LSM14A: variants seen among roughly 807,000 people sequenced by gnomAD.
LSM14A encodes protein LSM14 homolog A.
Under a neutral mutation model 52.4 loss-of-function variants are expected in LSM14A, and 14 were observed. The ratio of observed to expected loss-of-function variants is 0.27; its 90% CI spans 0.18 to 0.42. LSM14A has a LOEUF of 0.42. Ranked by LOEUF, LSM14A falls within the 10% of genes least tolerant of loss-of-function variation. The probability of loss-of-function intolerance (pLI) is 1.00; values close to 1 mark genes in which losing one functional copy is unlikely to be tolerated. For synonymous variants in LSM14A, 185 were observed against 200.3 expected (o/e 0.92, Z 0.64); for missense variants, 417 against 581.8 (o/e 0.72, Z 2.91).
Position 34,194,504 on chromosome 19 carries a change from C to T in LSM14A, c.148C>T (p.Pro50Ser). Residue 50 changes from proline (P) to serine (S), a missense_variant, in exon 2 of 10, where the codon CCG becomes TCG. Physicochemically the swap from Pro to Ser is moderately conservative, Grantham distance 74 (BLOSUM62 -1). This residue lies in a region of LSM14A where 60 missense variants were observed against 124.8 expected (regional missense o/e 0.48). Coordinates refer to ENST00000544216, the MANE Select transcript of LSM14A (RefSeq NM_015578.4). ...KVRSFGTEDR[P>S]TDRPIPPRDE... The stretch of plus-strand genomic sequence containing the variant: ...TCGATCCTTTGGTACAGAAGACAGA[C>T]CGACAGATCGTCCAATACCACCTCG... 1 of 1,614,108 alleles carries T rather than the reference C, an allele frequency of 6.2e-7. No individual in the cohort carries two copies. Among genetic ancestry groups the T allele is most frequent in the Non-Finnish European group, 8.5e-7 (1 of 1,179,980 alleles).
At chr19:34,203,282 G>T (rs902852071) in intron 3 of LSM14A, among the ~76,000 whole-genome samples, 1 of 152,154 alleles carries the variant, frequency 6.6e-6, no homozygotes, top group Non-Finnish European at 1.5e-5. Context: ...ATAATCTTAT[G>T]TGCCAGATGG....
chr19:34,206,060 A>C lies in LSM14A; in HGVS notation c.416-2869A>C, dbSNP rs568926586. On this transcript the variant is annotated intron_variant, in intron 3 of 9. Transcript: ENST00000544216. The stretch of plus-strand genomic sequence containing the variant: ...ATTTCTTGAAAAATAGCAAACCAAC[A>C]CAAGAGGAAATAAAATCTCAATATC... Among the ~76,000 whole-genome samples, 5 of 152,342 alleles carry C rather than the reference A, an allele frequency of 3.3e-5. No individual in the cohort carries two copies. In the South Asian group the frequency reaches 1.0e-3, roughly 32 times the overall value.
In LSM14A at chr19:34,228,855, CTT is replaced by C. The variant is rs1413411777; in HGVS notation, c.*1470_*1471del. The C allele has an allele frequency of 6.6e-6, 1 of 152,528 alleles. No homozygotes were observed. Among genetic ancestry groups the C allele is most frequent in the Non-Finnish European group, 1.5e-5 (1 of 68,012 alleles). 9.4% of individuals were successfully genotyped at this position (152,528 alleles called of 1,614,324 possible). ...GACATTTTTTATTTTCATTTTATAT[CTT>C]TTGTATAGCTCTACAAGGCAGTGTT... On this transcript the variant is annotated 3_prime_UTR_variant, in exon 10 of 10. Transcript: ENST00000544216.
Position 34,172,965 on chromosome 19 carries a change from C to T in LSM14A, c.121+202C>T, listed in dbSNP as rs542707267. Among the ~76,000 whole-genome samples, 19 of 152,338 alleles carry T rather than the reference C, an allele frequency of 1.2e-4. No individual in the cohort carries two copies. The East Asian group carries it at 1.4e-3, about 11-fold the overall frequency. ...CCCTGGTTTCCGCCCCCCGGAATGT[C>T]CGCGCCTGAAGCCCGGGGAACTACG... On this transcript the variant is annotated intron_variant, in intron 1 of 9. Transcript: ENST00000544216.
At position 34,215,226 on chromosome 19, in the gene LSM14A, G is replaced by A. The variant is rs1465569587; in HGVS notation, c.641G>A (p.Arg214Lys). The change falls in exon 5 of 10, where the codon AGA (arginine) becomes AAA (lysine). Residue 214 changes from arginine to lysine, a missense_variant. Physicochemically the swap from Arg to Lys is conservative, Grantham distance 26. Around this residue, in one of 2 missense-constraint regions of LSM14A, gnomAD observed 357 missense variants for 457.0 expected, o/e 0.78. Transcript: ENST00000544216. ...TTACCTGCTCCAGCAGCTGTTGGGAGAAGGAGTCCTGTATCAACCAGGCCT... is the reference window on the plus strand; with the variant it reads ...TTACCTGCTCCAGCAGCTGTTGGGAAAAGGAGTCCTGTATCAACCAGGCCT... Reference protein sequence around the residue: ...AHLPAPAAVGRRSPVSTRPLP... With the variant: ...AHLPAPAAVGKRSPVSTRPLP... The A allele has an allele frequency of 1.9e-6, 3 of 1,614,062 alleles. No homozygotes were observed. The highest frequency in any genetic ancestry group is 2.5e-6 in the Non-Finnish European group (3 of 1,180,038).
chr19:34,221,201 A>G (rs897619812), intron 8 of LSM14A: 3 of 310,588 alleles, frequency 9.7e-6, no homozygotes, highest in South Asian at 5.7e-5. Flanking sequence ...TCCTGCCTCA[A>G]CCCCCCAAGT....
chr19:34,198,756 G>C (rs2071056713), intron 3 of LSM14A, among the ~76,000 whole-genome samples: 1 of 152,190 alleles, frequency 6.6e-6, no homozygotes, highest in Admixed American at 6.5e-5. Context: ...GGAGGCCAAG[G>C]CGTGTGGATC....
At chr19:34,208,231 AG>A (rs2071855258) in intron 3 of LSM14A, 1 of 152,190 alleles carries the variant, frequency 6.6e-6, no homozygotes, top group Non-Finnish European at 1.5e-5. Context: ...AGGTTGTGGA[AG>A]GGGGAGGTAC....
chr19:34,206,567 CG>C (rs2071715608), intron 3 of LSM14A, among the ~76,000 whole-genome samples: 1 of 151,696 alleles, frequency 6.6e-6, no homozygotes, highest in African/African-American at 2.4e-5. Flanking sequence ...CCCAGCTGCT[CG>C]GGAGGCTGAG....
Position 34,172,531 on chromosome 19 carries a change from G to T in LSM14A, c.-112G>T, listed in dbSNP as rs2068775057. The T allele has an allele frequency of 4.6e-5, 58 of 1,267,636 alleles. No individual in the cohort carries two copies. The highest frequency in any genetic ancestry group is 5.5e-5 in the Non-Finnish European group (54 of 977,928). The allele number at this position is 1,267,636 out of a possible 1,614,324, so 78.5% of individuals were successfully genotyped here. On this transcript the variant is annotated 5_prime_UTR_variant, in exon 1 of 10. Transcript: ENST00000544216. ...CGGAGCCGGCGCCGCCGCCATGTTG[G>T]GTCTGAAGCGGCTGCTGTAGGCGCC...
At chr19:34,192,327 T>TTG (rs1555767861) in intron 1 of LSM14A, among the ~76,000 whole-genome samples, 3 of 121,966 alleles carry the variant, frequency 2.5e-5, no homozygotes, top group Admixed American at 8.1e-5. Context: ...TTGTTTTTTT[T>TTG]TTTTTTTTTT....
chr19:34,217,605 T>TCC (rs371434451), intron 6 of LSM14A, among the ~76,000 whole-genome samples: 2 of 55,514 alleles, frequency 3.6e-5, no homozygotes, highest in African/African-American at 1.5e-4. Flanking sequence ...TATTTTTATA[T>TCC]CCCCCCCCCC....
rs577721451 is a variant in LSM14A, at chr19:34,202,946, C to T, written c.416-5983C>T. ...TGCTAGGATTACAGGCGTGAGCCACCGCGCCTGGCGGACTTTTCTTAAAAC... is the reference window on the plus strand; with the variant it reads ...TGCTAGGATTACAGGCGTGAGCCACTGCGCCTGGCGGACTTTTCTTAAAAC... On this transcript the variant is annotated intron_variant, in intron 3 of 9. Transcript: ENST00000544216. Among the ~76,000 whole-genome samples the T allele has an allele frequency of 5.3e-5, 8 of 152,260 alleles. No homozygotes were observed. The South Asian group carries it at 1.2e-3, about 24-fold the overall frequency.
At chr19:34,197,069 A>T (rs1173519750) in intron 3 of LSM14A, among the ~76,000 whole-genome samples, 1 of 151,940 alleles carries the variant, frequency 6.6e-6, no homozygotes, top group African/African-American at 2.4e-5. Flanking sequence ...TCCAATATCT[A>T]CCAAATCTTA....
chr19:34,219,821 T>C lies in LSM14A; in HGVS notation c.1080T>C (p.Asn360=), dbSNP rs1198433004. 2.5e-6 allele frequency: 4 copies of C among 1,613,700 alleles called. No individual in the cohort carries two copies. The Middle Eastern group carries it at 4.9e-4, about 200-fold the overall frequency. Residue 360 remains asparagine, a synonymous_variant, in exon 8 of 10, where the codon AAT becomes AAC. Coordinates refer to ENST00000544216, the MANE Select transcript of LSM14A (RefSeq NM_015578.4). ...NADEEDPLGP[N]CYYDKTKSFF... is the part of the protein sequence containing the mutation. ...ATGAAGAAGATCCACTTGGACCTAATTGCTATTATGACAAAACTAAATCCT... is the reference window on the plus strand; with the variant it reads ...ATGAAGAAGATCCACTTGGACCTAACTGCTATTATGACAAAACTAAATCCT...
At chr19:34,183,411 C>T (rs1391831068) in intron 1 of LSM14A, among the ~76,000 whole-genome samples, 5 of 152,014 alleles carry the variant, frequency 3.3e-5, no homozygotes, top group African/African-American at 7.3e-5. Flanking sequence ...ATTAGCCAGT[C>T]GTGGTGTTGT....
rs913361160 is a variant in LSM14A, at chr19:34,226,415, C to T, written c.1369-950C>T. ...TTTTTTTTTACCTTTCAGAAAACCA[C>T]AGCTTTTGGACCCTAAAAGGTCTGG... On this transcript the variant is annotated intron_variant, in intron 9 of 9. Transcript: ENST00000544216. The T allele has an allele frequency of 5.0e-6, 7 of 1,387,320 alleles. No individual in the cohort carries two copies. Among genetic ancestry groups the T allele is most frequent in the Non-Finnish European group, 4.8e-6 (5 of 1,044,172 alleles). 85.9% of individuals were successfully genotyped at this position (1,387,320 alleles called of 1,614,324 possible).
intron 1 of LSM14A, among the ~76,000 whole-genome samples, chr19:34,175,152 T>A (rs1478840072): frequency 8.1e-6 from 1 of 124,108 alleles, no homozygotes; most frequent in African/African-American, 2.6e-5. Flanking sequence ...CAGTGAAAAA[T>A]TTTTTTAATC....
At chr19:34,218,122 G>A (rs1312009895) in intron 6 of LSM14A, among the ~76,000 whole-genome samples, 2 of 150,904 alleles carry the variant, frequency 1.3e-5, no homozygotes, top group East Asian at 2.0e-4. Context: ...TCCTGCCTCA[G>A]CCTCCTGGGT....
Sources: allele counts gnomAD v4.1 joint callset (sites outside exome capture counted in the v4.1 genomes callset), GRCh38; gene constraint gnomAD v4.1.1; regional missense constraint gnomAD v4.1.1; transcripts MANE v1.5; gene names NCBI Gene and HGNC (gene_info 2026-07-23, HGNC 2026-07-21).